DCC: variants seen among roughly 807,000 people sequenced by gnomAD.
DCC encodes the protein netrin receptor DCC.
A neutral mutation model predicts 172.5 loss-of-function variants in DCC; 58 were observed. That is an observed-to-expected ratio of 0.34 (90% confidence interval 0.27 to 0.42). The LOEUF (loss-of-function observed/expected upper bound fraction) is 0.42. Ranked by LOEUF, DCC falls within the 10% of genes least tolerant of loss-of-function variation. The pLI is 1.00. For missense variants in DCC, 1,740 were observed against 1,791.0 expected, an observed-to-expected ratio of 0.97 and a Z score of 0.51; for synonymous variants, 709 against 644.5, an observed-to-expected ratio of 1.10 and a Z score of -1.52.
chr18:52,678,956 C>A (rs926163689), intron 1 of DCC, among the ~76,000 whole-genome samples: 1 of 152,004 alleles, frequency 6.6e-6, no homozygotes, highest in Non-Finnish European at 1.5e-5. Context: ...CTCCTCACTT[C>A]CACACTTCAA....
intron 5 of DCC, among the ~76,000 whole-genome samples, chr18:53,059,779 T>C (rs1453541197): frequency 6.6e-6 from 1 of 152,154 alleles, no homozygotes; most frequent in Non-Finnish European, 1.5e-5. Context: ...TCTACTCATC[T>C]TCTACCAATA....
chr18:53,251,436 T>C (rs951000372), intron 12 of DCC, among the ~76,000 whole-genome samples: 25 of 152,004 alleles, frequency 1.6e-4, no homozygotes, highest in African/African-American at 5.8e-4. Context: ...CATTGTGTTA[T>C]GTCCTATGGA....
At chr18:52,490,944 T>A (rs2030469437) in intron 1 of DCC, among the ~76,000 whole-genome samples, 1 of 152,100 alleles carries the variant, frequency 6.6e-6, no homozygotes, top group South Asian at 2.1e-4. Context: ...ACAAAAACAA[T>A]CAATTTCTTC....
chr18:53,161,138 G>C (rs1318665231), intron 8 of DCC, among the ~76,000 whole-genome samples: 1 of 152,064 alleles, frequency 6.6e-6, no homozygotes, highest in Non-Finnish European at 1.5e-5. Context: ...CTCTTTCATA[G>C]GAATATTCCT....
At chr18:53,381,568 C>A (rs1186026214) in intron 15 of DCC, among the ~76,000 whole-genome samples, 7 of 106,764 alleles carry the variant, frequency 6.6e-5, no homozygotes, top group East Asian at 3.0e-4. Context: ...CCACCCCCCC[C>A]CCACCACCAC....
intron 12 of DCC, among the ~76,000 whole-genome samples, chr18:53,222,645 C>T (rs1457740866): frequency 6.7e-6 from 1 of 150,310 alleles, no homozygotes; most frequent in African/African-American, 2.5e-5. Flanking sequence ...CTCGGCCTCC[C>T]AAAATGCTAA....
intron 5 of DCC, among the ~76,000 whole-genome samples, chr18:53,056,168 TG>T (rs2144054938): frequency 6.6e-6 from 1 of 152,210 alleles, no homozygotes; most frequent in African/African-American, 2.4e-5. Flanking sequence ...GGGAAGCCTT[TG>T]GAATCTCACA....
At chr18:53,164,943 T>C (rs1431949375) in intron 8 of DCC, among the ~76,000 whole-genome samples, 1 of 152,186 alleles carries the variant, frequency 6.6e-6, no homozygotes, top group Non-Finnish European at 1.5e-5. Flanking sequence ...ACCACACTAA[T>C]AGTAAATATT....
intron 2 of DCC, among the ~76,000 whole-genome samples, chr18:52,871,319 T>C (rs2039314636): frequency 6.6e-6 from 1 of 150,426 alleles, no homozygotes; most frequent in Non-Finnish European, 1.5e-5. Flanking sequence ...GAAAGAACAG[T>C]GTCTTTTTTT....
At chr18:53,501,334 A>C (rs2046094969) in intron 27 of DCC, among the ~76,000 whole-genome samples, 1 of 152,220 alleles carries the variant, frequency 6.6e-6, no homozygotes, top group South Asian at 2.1e-4. Flanking sequence ...TCTACATAGC[A>C]AGTAAGTAAT....
chr18:52,727,854 T>G (rs540126930), intron 1 of DCC, among the ~76,000 whole-genome samples: 5 of 152,176 alleles, frequency 3.3e-5, no homozygotes, highest in African/African-American at 9.7e-5. Flanking sequence ...TTTTAAAATA[T>G]CTTTGGGTTT....
intron 12 of DCC, among the ~76,000 whole-genome samples, chr18:53,234,348 G>T (rs1483661835): frequency 6.6e-6 from 1 of 152,106 alleles, no homozygotes; most frequent in East Asian, 1.9e-4. Flanking sequence ...AGAATCGCTT[G>T]AACCCAGGAG....
At chr18:53,093,329 A>C (rs1220898954) in intron 7 of DCC, among the ~76,000 whole-genome samples, 4 of 152,186 alleles carry the variant, frequency 2.6e-5, no homozygotes, top group African/African-American at 4.8e-5. Context: ...ACATAGACTT[A>C]ATATTGATGA....
At chr18:52,985,846 A>G (rs2145612226) in intron 5 of DCC, among the ~76,000 whole-genome samples, 1 of 152,146 alleles carries the variant, frequency 6.6e-6, no homozygotes, top group South Asian at 2.1e-4. Flanking sequence ...AGCTTCAAGA[A>G]CCCTTTCTTC....
rs1216649004 is a variant in DCC at position 53,351,464 on chromosome 18, GTGTATATATA to G, written c.2359+11559_2359+11568del. The stretch of plus-strand genomic sequence containing the variant: ...CAGTGTATATATATATATACACAGT[GTGTATATATA>G]TATATATATATATATAGTGTGTATA... On this transcript the variant is annotated intron_variant, in intron 15 of 28. Transcript: ENST00000442544. 5.2e-3 allele frequency among the ~76,000 whole-genome samples: 174 copies of G among 33,238 alleles called. 12 individuals carry two copies. Among genetic ancestry groups the G allele is most frequent in the African/African-American group, 0.016 (147 of 9,446 alleles). The allele number at this position is 33,238 out of a possible 152,430, so 21.8% of individuals were successfully genotyped here.
intron 1 of DCC, among the ~76,000 whole-genome samples, chr18:52,711,192 G>T (rs1350806949): frequency 6.6e-6 from 1 of 151,992 alleles, no homozygotes; most frequent in East Asian, 1.9e-4. Context: ...CTCCTTATTG[G>T]ACGATAAAGA....
chr18:52,662,693 AAAAG>A (rs952535014), intron 1 of DCC, among the ~76,000 whole-genome samples: 22 of 152,180 alleles, frequency 1.4e-4, no homozygotes, highest in Non-Finnish European at 2.5e-4. Context: ...AAGGAGAAAG[AAAAG>A]AAAGAAAGAA....
At chr18:52,690,686 C>T (rs574116717) in intron 1 of DCC, among the ~76,000 whole-genome samples, 15 of 152,070 alleles carry the variant, frequency 9.9e-5, no homozygotes, top group South Asian at 4.2e-4. Flanking sequence ...GACCAAGTGG[C>T]GTGTCCAAAA....
chr18:53,330,937 A>G (rs1279005077), intron 14 of DCC, among the ~76,000 whole-genome samples: 1 of 152,180 alleles, frequency 6.6e-6, no homozygotes, highest in East Asian at 1.9e-4. Flanking sequence ...TGCCTGCTAC[A>G]TAGTACTCAA....
Sources: gnomAD v4.1 joint callset for allele counts (sites outside exome capture counted in the v4.1 genomes callset) on GRCh38, gnomAD v4.1.1 for gene constraint, MANE v1.5 for transcripts, NCBI Gene and HGNC (gene_info 2026-07-23, HGNC 2026-07-21) for gene names.